ENTREP2: variants seen among roughly 807,000 people sequenced by gnomAD.
ENTREP2 encodes protein ENTREP2.
chr15:29,517,877 A>G, the ENTREP2 span, among the ~76,000 whole-genome samples: 6 of 152,182 alleles, frequency 3.9e-5, no homozygotes, highest in Non-Finnish European at 8.8e-5. Flanking sequence ...TTGCAAAATA[A>G]TTACCATAAT....
chr15:29,335,279 G>T, the ENTREP2 span, among the ~76,000 whole-genome samples: 4 of 152,212 alleles, frequency 2.6e-5, no homozygotes, highest in Non-Finnish European at 5.9e-5. Context: ...GGAGGCTACG[G>T]TGTAATTGAA....
the ENTREP2 span, among the ~76,000 whole-genome samples, chr15:29,459,420 G>T: frequency 6.6e-6 from 1 of 152,102 alleles, no homozygotes; most frequent in Admixed American, 6.6e-5. Context: ...CTTCTCTAGG[G>T]AGCAATGTAA....
the ENTREP2 span, among the ~76,000 whole-genome samples, chr15:29,228,398 A>C: frequency 2.0e-5 from 3 of 152,184 alleles, no homozygotes; most frequent in Non-Finnish European, 4.4e-5. Context: ...AATGGGATAA[A>C]TTCATAGAGA....
chr15:29,572,966 G>A, the ENTREP2 span, among the ~76,000 whole-genome samples: 7 of 152,192 alleles, frequency 4.6e-5, no homozygotes, highest in South Asian at 1.5e-3. Flanking sequence ...GCTGGCAAGA[G>A]GTGATAGTGT....
At chr15:29,554,243 G>C in the ENTREP2 span, among the ~76,000 whole-genome samples, 4 of 150,654 alleles carry the variant, frequency 2.7e-5, no homozygotes, top group African/African-American at 9.8e-5. Context: ...GAACCCAGGA[G>C]GCAGAAGGTT....
the ENTREP2 span, chr15:29,569,849 T>C: frequency 6.6e-6 from 1 of 150,816 alleles, no homozygotes; most frequent in Non-Finnish European, 1.5e-5. Flanking sequence ...CCCCCTTGCC[T>C]GCCCCCTGCC....
the ENTREP2 span, among the ~76,000 whole-genome samples, chr15:29,271,324 C>T: frequency 5.9e-5 from 9 of 152,190 alleles, no homozygotes; most frequent in African/African-American, 1.9e-4. Context: ...ATAGAAGCTT[C>T]CTGCCATCTA....
At chr15:29,332,356 C>A in the ENTREP2 span, among the ~76,000 whole-genome samples, 1 of 151,898 alleles carries the variant, frequency 6.6e-6, no homozygotes, top group East Asian at 1.9e-4. Flanking sequence ...TTACTTTAGA[C>A]CACTGAGACT....
the ENTREP2 span, among the ~76,000 whole-genome samples, chr15:29,529,068 G>A: frequency 1.3e-5 from 2 of 150,504 alleles, no homozygotes; most frequent in African/African-American, 4.9e-5. Context: ...ATAGGACCAT[G>A]ACATGAAACC....
At chr15:29,616,712 A>T in the ENTREP2 span, among the ~76,000 whole-genome samples, 1 of 152,134 alleles carries the variant, frequency 6.6e-6, no homozygotes, top group African/African-American at 2.4e-5. Context: ...GCTTCCTATG[A>T]CTCAACTTTT....
At chr15:29,246,538 A>G in the ENTREP2 span, among the ~76,000 whole-genome samples, 1 of 152,068 alleles carries the variant, frequency 6.6e-6, no homozygotes, top group African/African-American at 2.4e-5. Context: ...CTACAAAAAA[A>G]TACCAAAAAA....
the ENTREP2 span, among the ~76,000 whole-genome samples, chr15:29,134,117 T>A: frequency 6.6e-6 from 1 of 152,308 alleles, no homozygotes; most frequent in Admixed American, 6.5e-5. Context: ...GCAGTGCTGA[T>A]GACAACTATT....
the ENTREP2 span, among the ~76,000 whole-genome samples, chr15:29,334,136 G>A: frequency 0.012 from 1,765 of 152,246 alleles, 14 homozygotes; most frequent in Middle Eastern, 0.027. Flanking sequence ...ATCGTACTTT[G>A]TTATGGGAGC....
the ENTREP2 span, among the ~76,000 whole-genome samples, chr15:29,415,056 C>T: frequency 4.6e-5 from 7 of 152,146 alleles, no homozygotes; most frequent in Non-Finnish European, 1.0e-4. Context: ...GATTCACAGC[C>T]GAATTCTACC....
chr15:29,180,050 T>C, the ENTREP2 span, among the ~76,000 whole-genome samples: 1 of 151,976 alleles, frequency 6.6e-6, no homozygotes, highest in Non-Finnish European at 1.5e-5. Context: ...ACGATCATGA[T>C]GAGAATGACC....
chr15:29,118,496 A>C, the ENTREP2 span, among the ~76,000 whole-genome samples: 1 of 152,176 alleles, frequency 6.6e-6, no homozygotes, highest in Non-Finnish European at 1.5e-5. Flanking sequence ...TGCTCTGGGC[A>C]CCAGGTGTCA....
the ENTREP2 span, among the ~76,000 whole-genome samples, chr15:29,219,630 T>TATATATATAA: frequency 7.8e-5 from 2 of 25,670 alleles, no homozygotes; most frequent in Non-Finnish European, 1.9e-4. Context: ...TATATATATA[T>TATATATATAA]ATATATATAT....
the ENTREP2 span, among the ~76,000 whole-genome samples, chr15:29,219,397 T>C: frequency 2.6e-5 from 4 of 151,910 alleles, no homozygotes; most frequent in African/African-American, 9.7e-5. Flanking sequence ...GCAATCACTA[T>C]GGAAAACAGT....
the ENTREP2 span, among the ~76,000 whole-genome samples, chr15:29,558,430 C>A: frequency 6.6e-6 from 1 of 151,612 alleles, no homozygotes; most frequent in African/African-American, 2.4e-5. Flanking sequence ...GAAGCTGGCC[C>A]GCAGCACCCA....
Sources: gnomAD v4.1 joint callset for allele counts (sites outside exome capture counted in the v4.1 genomes callset) on GRCh38, gnomAD v4.1.1 for gene constraint, MANE v1.5 for transcripts, NCBI Gene and HGNC (gene_info 2026-07-23, HGNC 2026-07-21) for gene names.